NCAM2: variants seen among roughly 807,000 people sequenced by gnomAD.
NCAM2 encodes the protein N-CAM-2.
Under a neutral mutation model 98.1 loss-of-function variants are expected in NCAM2, and 30 were observed. The observed-to-expected ratio is 0.31, with a 90% CI of 0.23 to 0.41. NCAM2 has a LOEUF of 0.41. Among genes scored for constraint, NCAM2 ranks in the 10% least tolerant of loss-of-function variants. The pLI is 1.00. For synonymous variants in NCAM2, 368 were observed against 342.4 expected (o/e 1.07, Z -0.83); for missense variants, 867 against 1,005.8 (o/e 0.86, Z 1.87).
chr21:21,057,973 C>T (rs2065247087), intron 1 of NCAM2, among the ~76,000 whole-genome samples: 1 of 151,978 alleles, frequency 6.6e-6, no homozygotes. Flanking sequence ...GATGATGTCT[C>T]CGAAGAATTT....
chr21:21,060,224 A>G (rs998068325), intron 1 of NCAM2, among the ~76,000 whole-genome samples: 2 of 152,114 alleles, frequency 1.3e-5, no homozygotes, highest in Non-Finnish European at 2.9e-5. Context: ...GATGTGTTTC[A>G]GCTTACCACA....
chr21:21,075,402 A>G (rs1323777938), intron 1 of NCAM2, among the ~76,000 whole-genome samples: 2 of 152,220 alleles, frequency 1.3e-5, no homozygotes, highest in African/African-American at 2.4e-5. Flanking sequence ...TCCTGCAACA[A>G]AGCTGATTTG....
intron 1 of NCAM2, among the ~76,000 whole-genome samples, chr21:21,034,127 C>T (rs2064750622): frequency 6.6e-6 from 1 of 151,910 alleles, no homozygotes; most frequent in Admixed American, 6.6e-5. Flanking sequence ...ATTCTTCAAT[C>T]TCCTAGTCCT....
intron 1 of NCAM2, among the ~76,000 whole-genome samples, chr21:21,253,738 G>C (rs2071557593): frequency 6.6e-6 from 1 of 152,044 alleles, no homozygotes; most frequent in Admixed American, 6.6e-5. Context: ...ATTTAGAAAT[G>C]GTTTGTTTTT....
At chr21:21,427,051 C>CA (rs2077228772) in intron 11 of NCAM2, among the ~76,000 whole-genome samples, 2 of 152,160 alleles carry the variant, frequency 1.3e-5, no homozygotes, top group South Asian at 2.1e-4. Context: ...TTAGCAACAC[C>CA]ACAGCCTCAT....
At chr21:21,409,563 G>A (rs796343489) in intron 9 of NCAM2, among the ~76,000 whole-genome samples, 4 of 152,154 alleles carry the variant, frequency 2.6e-5, no homozygotes, top group African/African-American at 9.6e-5. Flanking sequence ...AAAAAGTGAG[G>A]AAAGAACCAT....
At chr21:21,087,736 G>T (rs1298642270) in intron 1 of NCAM2, among the ~76,000 whole-genome samples, 1 of 152,122 alleles carries the variant, frequency 6.6e-6, no homozygotes, top group Non-Finnish European at 1.5e-5. Context: ...AAGGTACTAA[G>T]GATGCGTCTC....
At chr21:21,229,311 C>T (rs1277193999) in intron 1 of NCAM2, among the ~76,000 whole-genome samples, 2 of 151,552 alleles carry the variant, frequency 1.3e-5, no homozygotes, top group African/African-American at 2.4e-5. Context: ...GTTATAGACA[C>T]ATTTCTCATT....
intron 1 of NCAM2, among the ~76,000 whole-genome samples, chr21:21,050,414 C>T (rs1374838287): frequency 6.6e-6 from 1 of 152,124 alleles, no homozygotes; most frequent in Non-Finnish European, 1.5e-5. Flanking sequence ...AAGTCAGGTG[C>T]CACCATTTTG....
At chr21:21,188,110 T>G (rs1021121063) in intron 1 of NCAM2, among the ~76,000 whole-genome samples, 2 of 152,164 alleles carry the variant, frequency 1.3e-5, no homozygotes, top group Admixed American at 1.3e-4. Context: ...CCTTGCCCTT[T>G]TATTGTTCTG....
intron 14 of NCAM2, among the ~76,000 whole-genome samples, chr21:21,472,695 A>G (rs946053410): frequency 5.9e-5 from 9 of 152,062 alleles, no homozygotes; most frequent in African/African-American, 2.2e-4. Context: ...AAGAAACACA[A>G]GAAAAAATGC....
At chr21:21,292,780 G>T (rs2073343214) in intron 5 of NCAM2, among the ~76,000 whole-genome samples, 1 of 151,826 alleles carries the variant, frequency 6.6e-6, no homozygotes, top group Non-Finnish European at 1.5e-5. Context: ...ATACATTACA[G>T]TTATCTTGGC....
At chr21:21,494,652 T>TA (rs936761532) in intron 15 of NCAM2, among the ~76,000 whole-genome samples, 1 of 151,840 alleles carries the variant, frequency 6.6e-6, no homozygotes, top group Non-Finnish European at 1.5e-5. Context: ...ACTGGATAGT[T>TA]AAAGAACACA....
At chr21:21,412,817 T>G (rs537114226) in intron 10 of NCAM2, among the ~76,000 whole-genome samples, 1 of 152,084 alleles carries the variant, frequency 6.6e-6, no homozygotes, top group South Asian at 2.1e-4. Context: ...AACAATAATA[T>G]AAAGAGAAAG....
chr21:21,027,143 C>T (rs918762994), intron 1 of NCAM2, among the ~76,000 whole-genome samples: 22 of 152,292 alleles, frequency 1.4e-4, no homozygotes, highest in African/African-American at 5.3e-4. Flanking sequence ...CAGGCGTGAG[C>T]CGCCGTGCCC....
intron 8 of NCAM2, among the ~76,000 whole-genome samples, chr21:21,370,920 T>C (rs1314004007): frequency 2.0e-5 from 3 of 151,944 alleles, no homozygotes; most frequent in Admixed American, 2.0e-4. Flanking sequence ...AATTCCTATT[T>C]GTTGAATAAA....
intron 1 of NCAM2, among the ~76,000 whole-genome samples, chr21:21,155,975 T>A (rs2067599862): frequency 1.3e-5 from 2 of 152,024 alleles, no homozygotes; most frequent in Non-Finnish European, 2.9e-5. Flanking sequence ...TACCCCTTCA[T>A]TTTCATCTAT....
At chr21:21,114,029 G>A (rs1185118263) in intron 1 of NCAM2, among the ~76,000 whole-genome samples, 1 of 152,128 alleles carries the variant, frequency 6.6e-6, no homozygotes, top group Non-Finnish European at 1.5e-5. Context: ...GCTGTAGCTT[G>A]TGTAGCCATC....
chr21:21,306,405 A>T (rs1423639554), intron 5 of NCAM2, among the ~76,000 whole-genome samples: 1 of 152,150 alleles, frequency 6.6e-6, no homozygotes, highest in African/African-American at 2.4e-5. Context: ...CTCCTGATGA[A>T]TTGACGTCTT....
Sources: allele counts gnomAD v4.1 joint callset (sites outside exome capture counted in the v4.1 genomes callset), GRCh38; gene constraint gnomAD v4.1.1; transcripts MANE v1.5; gene names NCBI Gene and HGNC (gene_info 2026-07-23, HGNC 2026-07-21).